EHBP1: variants seen among roughly 807,000 people sequenced by gnomAD.
The protein encoded by EHBP1 is EH domain binding protein 1, also known as EH domain-binding protein 1.
In EHBP1, 55 loss-of-function variants were observed where a neutral mutation model predicts 144.0. The ratio of observed to expected loss-of-function variants is 0.38; its 90% CI spans 0.31 to 0.48. EHBP1 has a LOEUF of 0.48. EHBP1 is among the 20% of genes least tolerant of loss of function. EHBP1 has a pLI of 0.98. For synonymous variants in EHBP1, 469 were observed against 472.7 expected, an observed-to-expected ratio of 0.99 and a Z score of 0.10; for missense variants, 1,200 against 1,364.2, an observed-to-expected ratio of 0.88 and a Z score of 1.90.
intron 19 of EHBP1, among the ~76,000 whole-genome samples, chr2:63,026,641 T>C (rs1343025541): frequency 6.6e-6 from 1 of 152,194 alleles, no homozygotes; most frequent in Non-Finnish European, 1.5e-5. Flanking sequence ...TGCTTGGCCA[T>C]TTTCATTGAA....
chr2:62,812,950 G>A (rs1031809702), intron 5 of EHBP1, among the ~76,000 whole-genome samples: 1 of 152,182 alleles, frequency 6.6e-6, no homozygotes, highest in Non-Finnish European at 1.5e-5. Flanking sequence ...ACTTACTAAG[G>A]AGATTAGTAC....
intron 2 of EHBP1, among the ~76,000 whole-genome samples, chr2:62,709,843 G>A (rs1455083317): frequency 3.3e-5 from 5 of 152,006 alleles, no homozygotes; most frequent in Non-Finnish European, 5.9e-5. Flanking sequence ...ACCAGTTCTA[G>A]AACCACTAGA....
At chr2:62,928,717 A>G (rs2055737133) in intron 10 of EHBP1, among the ~76,000 whole-genome samples, 1 of 152,074 alleles carries the variant, frequency 6.6e-6, no homozygotes, top group Admixed American at 6.6e-5. Context: ...GAAATAATAA[A>G]GATTAGAGCA....
intron 14 of EHBP1, among the ~76,000 whole-genome samples, chr2:62,961,191 A>G (rs1314481037): frequency 6.6e-6 from 1 of 152,234 alleles, no homozygotes; most frequent in African/African-American, 2.4e-5. Context: ...CCCTTAAAGG[A>G]CAACTCACAA....
rs569094369 is a variant in EHBP1 at position 63,028,317 on chromosome 2, C to G, written c.3104-9218C>G. ...TATCTGAACCCAAGCATGATCAAAGCAGGTATAGAGTGGAAAAGAAACTTA... is the reference window on the plus strand; with the variant it reads ...TATCTGAACCCAAGCATGATCAAAGGAGGTATAGAGTGGAAAAGAAACTTA... On this transcript the variant is annotated intron_variant, in intron 19 of 22. Coordinates refer to ENST00000431489, the MANE Select transcript of EHBP1 (RefSeq NM_001142616.3). Among the ~76,000 whole-genome samples, 55 of 152,136 alleles carry G rather than the reference C, an allele frequency of 3.6e-4. 1 individual carries two copies. The highest frequency in any genetic ancestry group is 1.1e-3 in the African/African-American group (47 of 41,494).
At chr2:62,796,584 T>C (rs1210621338) in intron 5 of EHBP1, among the ~76,000 whole-genome samples, 1 of 152,182 alleles carries the variant, frequency 6.6e-6, no homozygotes, top group Non-Finnish European at 1.5e-5. Flanking sequence ...GTAATTTTGA[T>C]TGTTAAGATT....
intron 14 of EHBP1, among the ~76,000 whole-genome samples, chr2:62,960,959 C>A (rs916197356): frequency 2.6e-5 from 4 of 152,194 alleles, no homozygotes; most frequent in Admixed American, 6.5e-5. Context: ...CACACACCAG[C>A]TTTTCCCATA....
intron 7 of EHBP1, among the ~76,000 whole-genome samples, chr2:62,841,987 C>G (rs759910881): frequency 6.6e-5 from 10 of 152,102 alleles, no homozygotes; most frequent in Non-Finnish European, 1.0e-4. Flanking sequence ...TATTTGTTAT[C>G]TGGTGAGAGC....
At chr2:62,839,079 G>C (rs1384177230) in intron 7 of EHBP1, among the ~76,000 whole-genome samples, 1 of 147,630 alleles carries the variant, frequency 6.8e-6, no homozygotes, top group Admixed American at 6.8e-5. Flanking sequence ...GAACATTGAT[G>C]CAAAAATCCT....
At chr2:62,895,591 T>G (rs2052848413) in intron 10 of EHBP1, among the ~76,000 whole-genome samples, 1 of 152,166 alleles carries the variant, frequency 6.6e-6, no homozygotes, top group Non-Finnish European at 1.5e-5. Flanking sequence ...GTGGATACTA[T>G]TTGATAAAGG....
intron 19 of EHBP1, among the ~76,000 whole-genome samples, chr2:63,029,038 T>C (rs2061113652): frequency 6.6e-6 from 1 of 152,236 alleles, no homozygotes; most frequent in Non-Finnish European, 1.5e-5. Flanking sequence ...TGTGTTCTGT[T>C]AGTCCATAAT....
In EHBP1 at chr2:62,709,779, A is replaced by T. The variant is rs1203465624; in HGVS notation, c.104+2484A>T. Among the ~76,000 whole-genome samples the T allele has an allele frequency of 5.3e-5, 8 of 152,114 alleles. No homozygotes were observed. The East Asian group carries it at 1.5e-3, about 29-fold the overall frequency. ...ACTTAGTACCCCCAATACTTCTTGTATTGTCTAGTGGTTCTAGAACTTACA... is the reference window on the plus strand; with the variant it reads ...ACTTAGTACCCCCAATACTTCTTGTTTTGTCTAGTGGTTCTAGAACTTACA... On this transcript the variant is annotated intron_variant, in intron 2 of 22. Coordinates refer to ENST00000431489, the MANE Select transcript of EHBP1 (RefSeq NM_001142616.3).
At chr2:62,868,144 G>A (rs1657175625) in intron 9 of EHBP1, among the ~76,000 whole-genome samples, 1 of 152,136 alleles carries the variant, frequency 6.6e-6, no homozygotes, top group African/African-American at 2.4e-5. Context: ...GGAGGCCGAG[G>A]CGGGCGGATC....
chr2:62,812,687 T>C (rs553645591), intron 5 of EHBP1, among the ~76,000 whole-genome samples: 9 of 152,294 alleles, frequency 5.9e-5, no homozygotes, highest in Admixed American at 5.2e-4. Context: ...CCAAGGGCTT[T>C]ATGGAAGGTA....
intron 19 of EHBP1, among the ~76,000 whole-genome samples, chr2:63,002,886 AG>A (rs2059903925): frequency 1.3e-5 from 2 of 152,122 alleles, no homozygotes; most frequent in African/African-American, 4.8e-5. Flanking sequence ...ATACTGAGTT[AG>A]TACAAAATTC....
At chr2:62,955,477 T>G (rs757285127) in intron 13 of EHBP1, 40 bp from the exon 14 acceptor site, 13 of 1,282,842 alleles carry the variant, frequency 1.0e-5, no homozygotes, top group Middle Eastern at 2.0e-4. Context: ...AGATTACCCG[T>G]TTTTTTTTTG....
intron 10 of EHBP1, among the ~76,000 whole-genome samples, chr2:62,929,769 A>T (rs1156408994): frequency 2.0e-5 from 3 of 152,166 alleles, no homozygotes; most frequent in Non-Finnish European, 4.4e-5. Flanking sequence ...GGAAGGCATA[A>T]GATTATCTCT....
At chr2:62,697,515 G>A (rs367710745) in intron 1 of EHBP1, among the ~76,000 whole-genome samples, 2 of 152,086 alleles carry the variant, frequency 1.3e-5, no homozygotes, top group Non-Finnish European at 2.9e-5. Flanking sequence ...TTTTGTCATT[G>A]TTAAACAAAG....
At chr2:62,775,298 T>G (rs766560528) in intron 5 of EHBP1, among the ~76,000 whole-genome samples, 2 of 152,230 alleles carry the variant, frequency 1.3e-5, no homozygotes, top group Admixed American at 6.5e-5. Context: ...CTGATCATTA[T>G]GTAGCAATAA....
Sources: gnomAD v4.1 joint callset for allele counts (sites outside exome capture counted in the v4.1 genomes callset) on GRCh38, gnomAD v4.1.1 for gene constraint, MANE v1.5 for transcripts, NCBI Gene and HGNC (gene_info 2026-07-23, HGNC 2026-07-21) for gene names.